RIC1: variants seen among roughly 807,000 people sequenced by gnomAD.
The protein encoded by RIC1 is RIC1 partner of RAB6A GEF complex, also known as guanine nucleotide exchange factor subunit RIC1.
RIC1 carries 88 observed loss-of-function variants against 169.0 expected under a neutral mutation model. The ratio of observed to expected loss-of-function variants is 0.52; its 90% CI spans 0.44 to 0.62. The LOEUF (loss-of-function observed/expected upper bound fraction) is 0.62, where lower values mean the gene tolerates loss of function less well. RIC1 is among the 20% of genes least tolerant of loss of function. RIC1 has a pLI of 0.00. For missense variants in RIC1, 1,877 were observed against 1,725.5 expected (o/e 1.09, Z -1.56); for synonymous variants, 790 against 601.5 (o/e 1.31, Z -4.59).
chr9:5,749,056 A>T (rs1194599502), intron 12 of RIC1, among the ~76,000 whole-genome samples: 2 of 152,226 alleles, frequency 1.3e-5, no homozygotes, highest in Non-Finnish European at 2.9e-5. Flanking sequence ...AGGACCTAAG[A>T]GATCATAAAG....
At chr9:5,700,912 A>G (rs891523253) in intron 3 of RIC1, among the ~76,000 whole-genome samples, 1 of 152,122 alleles carries the variant, frequency 6.6e-6, no homozygotes, top group African/African-American at 2.4e-5. Context: ...TTTTTTTCAA[A>G]TAAGTATAAT....
intron 3 of RIC1, among the ~76,000 whole-genome samples, chr9:5,709,831 C>T (rs1055123575): frequency 6.6e-6 from 1 of 152,046 alleles, no homozygotes; most frequent in Non-Finnish European, 1.5e-5. Context: ...AGATGTATCT[C>T]TAATTTTATA....
chr9:5,657,835 A>T (rs1022514510), intron 2 of RIC1, among the ~76,000 whole-genome samples: 1 of 152,174 alleles, frequency 6.6e-6, no homozygotes, highest in African/African-American at 2.4e-5. Context: ...TATTTAAATA[A>T]TCAAAACAAG....
intron 1 of RIC1, among the ~76,000 whole-genome samples, chr9:5,640,452 C>T (rs1278079477): frequency 6.6e-6 from 1 of 152,104 alleles, no homozygotes; most frequent in African/African-American, 2.4e-5. Flanking sequence ...TGTTGTTTCT[C>T]CTTATGTCTT....
intron 8 of RIC1, among the ~76,000 whole-genome samples, chr9:5,741,117 G>C (rs951527966): frequency 6.6e-6 from 1 of 152,150 alleles, no homozygotes; most frequent in Non-Finnish European, 1.5e-5. Context: ...GTGCTGTTTT[G>C]GATTGGCAGT....
intron 1 of RIC1, among the ~76,000 whole-genome samples, chr9:5,653,448 T>A (rs1448832752): frequency 6.6e-6 from 1 of 152,220 alleles, no homozygotes; most frequent in Non-Finnish European, 1.5e-5. Flanking sequence ...GTGACTTTGT[T>A]GATAGCCAGA....
In RIC1 at chr9:5,710,633, A is replaced by G. The variant is rs142546002; in HGVS notation, c.333-3263A>G. Among the ~76,000 whole-genome samples, 28 of 152,336 alleles carry G rather than the reference A, an allele frequency of 1.8e-4. 1 individual carries two copies. The highest frequency in any genetic ancestry group is 6.0e-4 in the African/African-American group (25 of 41,584). On this transcript the variant is annotated intron_variant, in intron 3 of 25. Coordinates refer to ENST00000414202, the MANE Select transcript of RIC1 (RefSeq NM_020829.4). ...TGTTAGCCATTTTAGGAAAGTTTCC[A>G]GTGTAACTTAGAAACACATACCAGA...
intron 1 of RIC1, among the ~76,000 whole-genome samples, chr9:5,643,561 T>C (rs1402378582): frequency 1.3e-5 from 2 of 152,032 alleles, no homozygotes; most frequent in African/African-American, 4.8e-5. Context: ...ATTACTCCTT[T>C]ATTAAAAAGG....
chr9:5,639,367 C>G (rs1443215858), intron 1 of RIC1, among the ~76,000 whole-genome samples: 1 of 152,180 alleles, frequency 6.6e-6, no homozygotes, highest in East Asian at 1.9e-4. Flanking sequence ...ATTGGTCATT[C>G]AGGAACATAT....
intron 1 of RIC1, among the ~76,000 whole-genome samples, chr9:5,635,348 T>C (rs966511626): frequency 1.3e-5 from 2 of 152,172 alleles, no homozygotes; most frequent in African/African-American, 4.8e-5. Flanking sequence ...TTAATCCTTC[T>C]TGAGTTGATA....
intron 18 of RIC1, among the ~76,000 whole-genome samples, chr9:5,762,874 G>T (rs1826432332): frequency 6.6e-6 from 1 of 152,160 alleles, no homozygotes; most frequent in African/African-American, 2.4e-5. Context: ...TATGTTAACT[G>T]CTTAGGCATC....
At chr9:5,632,833 A>G (rs941541769) in intron 1 of RIC1, among the ~76,000 whole-genome samples, 1 of 152,202 alleles carries the variant, frequency 6.6e-6, no homozygotes, top group Non-Finnish European at 1.5e-5. Context: ...GTGACTATGA[A>G]AGTCTATATA....
intron 7 of RIC1, 83 bp from the exon 8 acceptor site, chr9:5,738,367 A>G (rs1329527841): frequency 3.3e-6 from 3 of 920,722 alleles, no homozygotes; most frequent in Non-Finnish European, 5.0e-6. Context: ...CACTCCCACC[A>G]GCAAAACATA....
At chr9:5,636,182 A>G (rs1817961986) in intron 1 of RIC1, among the ~76,000 whole-genome samples, 1 of 152,252 alleles carries the variant, frequency 6.6e-6, no homozygotes, top group Non-Finnish European at 1.5e-5. Context: ...CTTCCAATCC[A>G]TGAACATAAG....
downstream of RIC1, among the ~76,000 whole-genome samples, chr9:5,778,623 A>G (rs986107520): frequency 6.6e-6 from 1 of 152,244 alleles, no homozygotes; most frequent in Non-Finnish European, 1.5e-5. Context: ...ACAAACATAC[A>G]TTGCATCTAC....
At chr9:5,706,475 T>G (rs1045489919) in intron 3 of RIC1, among the ~76,000 whole-genome samples, 1 of 152,018 alleles carries the variant, frequency 6.6e-6, no homozygotes, top group African/African-American at 2.4e-5. Context: ...AATTAGAAAG[T>G]GTTCCCTCCT....
chr9:5,720,076 G>A (rs1025039681), intron 4 of RIC1, 106 bp from the exon 5 acceptor site: 3 of 763,590 alleles, frequency 3.9e-6, no homozygotes, highest in Admixed American at 2.9e-5. Context: ...TTTTGTAAAT[G>A]GTTTCATGAT....
intron 7 of RIC1, among the ~76,000 whole-genome samples, chr9:5,735,470 T>C (rs1824642538): frequency 6.6e-6 from 1 of 152,242 alleles, no homozygotes; most frequent in Admixed American, 6.5e-5. Context: ...TGGGAAGTAC[T>C]AGCCCTTCCC....
At chr9:5,760,247 G>A (rs1457928350) in intron 17 of RIC1, among the ~76,000 whole-genome samples, 1 of 152,060 alleles carries the variant, frequency 6.6e-6, no homozygotes, top group African/African-American at 2.4e-5. Flanking sequence ...TTGAGTTTGG[G>A]GTTCCTTCAA....
Sources: gnomAD v4.1 joint callset for allele counts (sites outside exome capture counted in the v4.1 genomes callset) on GRCh38, gnomAD v4.1.1 for gene constraint, MANE v1.5 for transcripts, NCBI Gene and HGNC (gene_info 2026-07-23, HGNC 2026-07-21) for gene names.